The following TTC8 variants were observed in gnomAD, a reference collection of about 807,000 sequenced individuals.
TTC8 encodes tetratricopeptide repeat protein 8.
In TTC8, 47 loss-of-function variants were observed where a neutral mutation model predicts 72.5. The observed-to-expected ratio is 0.65, with a 90% CI of 0.51 to 0.83. The LOEUF (loss-of-function observed/expected upper bound fraction) is 0.83. Ranked by LOEUF, TTC8 falls within the 40% of genes least tolerant of loss-of-function variation. The pLI is 0.00. For synonymous variants in TTC8, 199 were observed against 221.4 expected (o/e 0.90, Z 0.90); for missense variants, 611 against 623.2 (o/e 0.98, Z 0.21).
At chr14:88,854,677 T>A (rs553988590) in intron 8 of TTC8, among the ~76,000 whole-genome samples, 10 of 152,288 alleles carry the variant, frequency 6.6e-5, no homozygotes, top group Admixed American at 1.3e-4. Context: ...TAATTTTGTA[T>A]AATATTTTAT....
At chr14:88,845,701 A>T (rs546774605) in intron 7 of TTC8, among the ~76,000 whole-genome samples, 4 of 152,328 alleles carry the variant, frequency 2.6e-5, no homozygotes, top group African/African-American at 9.6e-5. Flanking sequence ...ATCTCAAATT[A>T]CTAGAGTATC....
chr14:88,857,138 G>A (rs1221323511), intron 8 of TTC8, 52 bp from the exon 9 acceptor site: 1 of 1,476,370 alleles, frequency 6.8e-7, no homozygotes, highest in Non-Finnish European at 9.5e-7. Flanking sequence ...AGGGTATGAT[G>A]TAGTGTTTAT....
intron 10 of TTC8, among the ~76,000 whole-genome samples, chr14:88,862,815 C>G (rs1367679640): frequency 6.6e-6 from 1 of 150,616 alleles, no homozygotes; most frequent in Non-Finnish European, 1.5e-5. Context: ...CTTCTGGCAT[C>G]ATGCTTATAA....
chr14:88,860,791 A>C (rs1422069502), intron 9 of TTC8, among the ~76,000 whole-genome samples: 1 of 151,642 alleles, frequency 6.6e-6, no homozygotes, highest in Non-Finnish European at 1.5e-5. Context: ...CACATTTTTG[A>C]AAATTCTTTC....
At chr14:88,873,968 C>G (rs905838644) in intron 13 of TTC8, among the ~76,000 whole-genome samples, 4 of 152,134 alleles carry the variant, frequency 2.6e-5, no homozygotes, top group African/African-American at 4.8e-5. Context: ...TGGATGTTAC[C>G]TTTATTGCAT....
chr14:88,843,032 A>G (rs1190072112), intron 6 of TTC8, among the ~76,000 whole-genome samples: 2 of 152,084 alleles, frequency 1.3e-5, no homozygotes, highest in Non-Finnish European at 2.9e-5. Flanking sequence ...AGTAACCTTG[A>G]TATTTTCCAG....
chr14:88,857,703 T>C (rs2094863365), intron 9 of TTC8, among the ~76,000 whole-genome samples: 2 of 152,206 alleles, frequency 1.3e-5, no homozygotes, highest in South Asian at 4.1e-4. Flanking sequence ...ATTGATCACC[T>C]ACTCAGTGTA....
Position 88,872,426 on chromosome 14 carries a change from G to C in TTC8, c.1321G>C (p.Glu441Gln). ...GGCCTACAACAACCTGGCTGTGCTG[G>C]AGATGCGGAAGGGCCACGTTGAACA... The part of the protein sequence containing the change: ...AEAYNNLAVL[E>Q]MRKGHVEQAR... The change falls in exon 13 of 15, where the codon GAG becomes CAG. Residue 441 changes from glutamate to glutamine, a missense_variant. Coordinates refer to ENST00000380656, the MANE Select transcript of TTC8 (RefSeq NM_144596.4). The C allele has an allele frequency of 6.2e-7, 1 of 1,614,012 alleles. No individual in the cohort carries two copies. Among genetic ancestry groups the C allele is most frequent in the South Asian group, 1.1e-5 (1 of 91,076 alleles).
chr14:88,825,961 G>A (rs1254271917), intron 1 of TTC8, among the ~76,000 whole-genome samples: 1 of 151,956 alleles, frequency 6.6e-6, no homozygotes, highest in East Asian at 1.9e-4. Flanking sequence ...ATTTTTCCAA[G>A]GTTTTTTTAA....
intron 11 of TTC8, among the ~76,000 whole-genome samples, chr14:88,870,514 G>A (rs1451531359): frequency 6.6e-6 from 1 of 152,106 alleles, no homozygotes; most frequent in East Asian, 1.9e-4. Context: ...CATTGCCTCC[G>A]TTAATACCAT....
At chr14:88,866,795 C>A (rs2094911875) in intron 10 of TTC8, among the ~76,000 whole-genome samples, 2 of 152,184 alleles carry the variant, frequency 1.3e-5, no homozygotes, top group African/African-American at 4.8e-5. Flanking sequence ...TCTTGAGCCA[C>A]ACCTCAGCCT....
In TTC8 at chr14:88,870,059, G is replaced by C; in HGVS notation, c.910G>C (p.Glu304Gln). 6.2e-7 allele frequency: 1 copy of C among 1,613,800 alleles called. No individual in the cohort carries two copies. The highest frequency in any genetic ancestry group is 8.5e-7 in the Non-Finnish European group (1 of 1,179,890). Residue 304 changes from glutamate to glutamine, a missense_variant and splice_region_variant, in exon 11 of 15, where the codon GAA becomes CAA. Transcript: ENST00000380656. ...GCTCTTCTCTCTTGATGGAGAATAG[G>C]AAATGAACAATATGTCATCAGCAGC... is the stretch of plus-strand genomic sequence containing the variant. ...LLCGIARIYEEMNNMSSAAEY... is the reference protein window; with the variant it reads ...LLCGIARIYEQMNNMSSAAEY...
At chr14:88,829,545 A>G (rs2094716865) in intron 1 of TTC8, among the ~76,000 whole-genome samples, 1 of 152,234 alleles carries the variant, frequency 6.6e-6, no homozygotes, top group Non-Finnish European at 1.5e-5. Flanking sequence ...TGGGATTTTT[A>G]AAAGACAATA....
chr14:88,860,910 C>T, intron 9 of TTC8, among the ~76,000 whole-genome samples: 1 of 151,282 alleles, frequency 6.6e-6, no homozygotes, highest in East Asian at 2.0e-4. Context: ...CTCTAGTGAT[C>T]CTCCCATCTC....
intron 10 of TTC8, among the ~76,000 whole-genome samples, chr14:88,862,358 A>G (rs2094889659): frequency 6.6e-6 from 1 of 150,772 alleles, no homozygotes; most frequent in South Asian, 2.1e-4. Context: ...TAGTTATTTG[A>G]GTTCTATATT....
chr14:88,835,977 C>T (rs1261049769), intron 2 of TTC8, among the ~76,000 whole-genome samples: 2 of 152,044 alleles, frequency 1.3e-5, no homozygotes, highest in Non-Finnish European at 2.9e-5. Flanking sequence ...ATGTGATTTT[C>T]AAGGTCATTT....
At chr14:88,866,116 T>C (rs75458858) in intron 10 of TTC8, among the ~76,000 whole-genome samples, 1,630 of 152,266 alleles carry the variant, frequency 0.011, 25 homozygotes, top group African/African-American at 0.038. Flanking sequence ...ATGAATTATT[T>C]GTATAAATTG....
At chr14:88,849,834 C>T (rs1254757027) in intron 7 of TTC8, among the ~76,000 whole-genome samples, 2 of 152,206 alleles carry the variant, frequency 1.3e-5, no homozygotes, top group African/African-American at 4.8e-5. Context: ...CCTTTCCCCA[C>T]CTTTCCCTTT....
At chr14:88,833,286 G>A (rs3850392) in intron 1 of TTC8, among the ~76,000 whole-genome samples, 74,864 of 151,926 alleles carry the variant, frequency 0.49, 20,495 homozygotes, top group African/African-American at 0.74. Context: ...AAGGGTTTGT[G>A]TTATGTGGAT....
Sources: allele counts gnomAD v4.1 joint callset (sites outside exome capture counted in the v4.1 genomes callset), GRCh38; gene constraint gnomAD v4.1.1; transcripts MANE v1.5; gene names NCBI Gene and HGNC (gene_info 2026-07-23, HGNC 2026-07-21).